The following ABCA13 variants were observed in gnomAD, a reference collection of about 807,000 sequenced individuals.
The protein encoded by ABCA13 is ATP-binding cassette sub-family A member 13.
In ABCA13, 476 loss-of-function variants were observed where a neutral mutation model predicts 478.7. The observed-to-expected ratio is 0.99, with a 90% CI of 0.92 to 1.07. The LOEUF (loss-of-function observed/expected upper bound fraction) is 1.07, where lower values mean the gene tolerates loss of function less well. Ranked by LOEUF, ABCA13 falls within the 50% of genes least tolerant of loss-of-function variation. The probability of loss-of-function intolerance (pLI) is 0.00; values close to 1 mark genes in which losing one functional copy is unlikely to be tolerated. For synonymous variants in ABCA13, 2,252 were observed against 2,158.9 expected, an observed-to-expected ratio of 1.04 and a Z score of -1.20; for missense variants, 6,060 against 5,910.6, an observed-to-expected ratio of 1.03 and a Z score of -0.83.
chr7:48,584,062 A>G (rs925678387), intron 56 of ABCA13, among the ~76,000 whole-genome samples: 1 of 152,220 alleles, frequency 6.6e-6, no homozygotes, highest in African/African-American at 2.4e-5. Context: ...TCAAAATGTA[A>G]CTTGCATTCT....
intron 55 of ABCA13, among the ~76,000 whole-genome samples, chr7:48,551,072 A>G (rs549713144): frequency 1.3e-5 from 2 of 151,488 alleles, no homozygotes; most frequent in East Asian, 3.9e-4. Flanking sequence ...ATATTGATGT[A>G]TTTTTCTTTT....
At chr7:48,508,396 C>T (rs1041759066) in intron 50 of ABCA13, among the ~76,000 whole-genome samples, 7 of 152,088 alleles carry the variant, frequency 4.6e-5, no homozygotes, top group African/African-American at 1.7e-4. Context: ...AATGATCTTT[C>T]ATCTGCATGC....
chr7:48,283,766 C>A (rs1797361915), intron 19 of ABCA13, among the ~76,000 whole-genome samples: 1 of 152,066 alleles, frequency 6.6e-6, no homozygotes, highest in Non-Finnish European at 1.5e-5. Flanking sequence ...CTTTATTGCC[C>A]CAAATATCTT....
Position 48,613,522 on chromosome 7 carries a change from A to G in ABCA13, c.14745-1763A>G, listed in dbSNP as rs930622792. Among the ~76,000 whole-genome samples, 6 of 142,456 alleles carry G rather than the reference A, an allele frequency of 4.2e-5. 1 individual carries two copies. The highest frequency in any genetic ancestry group is 7.6e-5 in the Admixed American group (1 of 13,220). The allele number at this position is 142,456 out of a possible 152,430, so 93.5% of individuals were successfully genotyped here. On this transcript the variant is annotated intron_variant, in intron 58 of 61. Transcript: ENST00000435803. The stretch of plus-strand genomic sequence containing the variant: ...TTTAATGCTAGTTTGCTGTGTTAAG[A>G]CACAACGACTACAAATCCCTTAATA...
At chr7:48,462,915 C>G (rs1319782370) in intron 43 of ABCA13, among the ~76,000 whole-genome samples, 1 of 152,172 alleles carries the variant, frequency 6.6e-6, no homozygotes, top group Non-Finnish European at 1.5e-5. Context: ...TCTTCCAAAT[C>G]CATCTTTTAA....
At chr7:48,197,245 C>A (rs1039757705) in intron 2 of ABCA13, among the ~76,000 whole-genome samples, 1 of 152,168 alleles carries the variant, frequency 6.6e-6, no homozygotes, top group Non-Finnish European at 1.5e-5. Context: ...CCTTTGTGTT[C>A]TGGCTTTCAG....
chr7:48,582,476 T>C (rs1489841279), intron 56 of ABCA13, among the ~76,000 whole-genome samples: 1 of 152,142 alleles, frequency 6.6e-6, no homozygotes, highest in Non-Finnish European at 1.5e-5. Flanking sequence ...AACTCATAGA[T>C]ATGGGGGTAA....
intron 58 of ABCA13, among the ~76,000 whole-genome samples, chr7:48,605,353 G>T (rs1011669150): frequency 6.6e-6 from 1 of 152,124 alleles, no homozygotes; most frequent in Admixed American, 6.5e-5. Context: ...GTATGTTTTT[G>T]CAGTGGCTGA....
intron 29 of ABCA13, among the ~76,000 whole-genome samples, chr7:48,349,374 T>C (rs921600938): frequency 2.6e-5 from 4 of 152,180 alleles, no homozygotes; most frequent in Admixed American, 1.3e-4. Context: ...CACTTCTTGA[T>C]GTTGTTTGGC....
Position 48,196,058 on chromosome 7 carries a change from C to T in ABCA13, c.164-2179C>T, listed in dbSNP as rs138146268. On this transcript the variant is annotated intron_variant, in intron 2 of 61. Transcript: ENST00000435803. ...AAGCTTGCATGCAACCAGAGGATAA[C>T]GTGGTATCAGGACTGATAAGAAGCC... Among the ~76,000 whole-genome samples, 436 of 152,194 alleles carry T rather than the reference C, an allele frequency of 2.9e-3. 2 individuals carry two copies. Among genetic ancestry groups the T allele is most frequent in the Middle Eastern group, 0.01 (3 of 294 alleles).
At position 48,637,084 on chromosome 7, in the gene ABCA13, C is replaced by G. The variant is rs577868598; in HGVS notation, c.14838-6204C>G. ...AGTTTAATCCACTCTCCCAAGGGAA[C>G]CATGTCCCTACAAAAACTTAAAACT... On this transcript the variant is annotated intron_variant, in intron 59 of 61. Coordinates refer to ENST00000435803, the MANE Select transcript of ABCA13 (RefSeq NM_152701.5). 3.9e-5 allele frequency among the ~76,000 whole-genome samples: 6 copies of G among 151,998 alleles called. No individual in the cohort carries two copies. The East Asian group carries it at 1.2e-3, about 29-fold the overall frequency.
chr7:48,571,477 A>G (rs1006800132), intron 55 of ABCA13, among the ~76,000 whole-genome samples: 1 of 149,986 alleles, frequency 6.7e-6, no homozygotes, highest in Non-Finnish European at 1.5e-5. Flanking sequence ...GTAGAATTCT[A>G]GGCTAGCTTT....
At chr7:48,312,898 A>G (rs1180651229) in intron 24 of ABCA13, among the ~76,000 whole-genome samples, 169 bp from the exon 25 acceptor site, 1 of 152,270 alleles carries the variant, frequency 6.6e-6, no homozygotes, top group Non-Finnish European at 1.5e-5. Context: ...CACATGAGCT[A>G]TATATACTCT....
intron 15 of ABCA13, among the ~76,000 whole-genome samples, chr7:48,264,485 G>C (rs1272643847): frequency 6.6e-6 from 1 of 151,706 alleles, no homozygotes; most frequent in African/African-American, 2.4e-5. Context: ...TCCAATAGAT[G>C]TGTAGTTGTA....
At chr7:48,284,498 A>C (rs1797461739) in intron 19 of ABCA13, among the ~76,000 whole-genome samples, 1 of 152,186 alleles carries the variant, frequency 6.6e-6, no homozygotes, top group African/African-American at 2.4e-5. Context: ...GGTAAAATTC[A>C]AATCAAACTT....
chr7:48,186,548 T>C (rs900263966), intron 1 of ABCA13, among the ~76,000 whole-genome samples: 2 of 152,102 alleles, frequency 1.3e-5, no homozygotes, highest in African/African-American at 4.8e-5. Context: ...ATGTACTTTA[T>C]CTATGGATTT....
intron 47 of ABCA13, among the ~76,000 whole-genome samples, chr7:48,483,781 A>G (rs542231828): frequency 1.3e-5 from 2 of 152,372 alleles, no homozygotes; most frequent in South Asian, 4.1e-4. Flanking sequence ...TAAGGAAAAA[A>G]GTCAACACTA....
chr7:48,404,435 A>G (rs530844694), intron 39 of ABCA13: 27 of 173,936 alleles, frequency 1.6e-4, no homozygotes, highest in Admixed American at 1.1e-3. Flanking sequence ...GCATTGTTCT[A>G]TGTATTTTCT....
chr7:48,544,547 C>A (rs1246659773), intron 55 of ABCA13, among the ~76,000 whole-genome samples: 1 of 151,780 alleles, frequency 6.6e-6, no homozygotes, highest in East Asian at 1.9e-4. Flanking sequence ...AAACTGTGTT[C>A]AGGGAGTTTC....
Sources: allele counts gnomAD v4.1 joint callset (sites outside exome capture counted in the v4.1 genomes callset), GRCh38; gene constraint gnomAD v4.1.1; transcripts MANE v1.5; gene names NCBI Gene and HGNC (gene_info 2026-07-23, HGNC 2026-07-21).